The following NUP62CL variants were observed in gnomAD, a reference collection of about 807,000 sequenced individuals.
The protein encoded by NUP62CL is nucleoporin 62 C-terminal like.
Under a neutral mutation model 15.3 loss-of-function variants are expected in NUP62CL, and 13 were observed. The ratio of observed to expected loss-of-function variants is 0.85; its 90% CI spans 0.55 to 1.35. NUP62CL has a LOEUF of 1.35. Among genes scored for constraint, NUP62CL ranks in the 40% most tolerant of loss-of-function variants. NUP62CL has a pLI of 0.00. For missense variants in NUP62CL, 123 were observed against 130.6 expected (o/e 0.94, Z 0.28); for synonymous variants, 54 against 49.2 (o/e 1.10, Z -0.41).
intron 8 of NUP62CL, among the ~76,000 whole-genome samples, chrX:107,137,069 C>CATAAA (rs1417955298): frequency 2.7e-5 from 3 of 111,633 alleles, no homozygotes; most frequent in Admixed American, 9.5e-5. Context: ...TGTCTCAAAA[C>CATAAA]ATAAAATAAA....
chrX:107,196,197 A>C (rs943298066), intron 1 of NUP62CL, among the ~76,000 whole-genome samples: 1 of 112,253 alleles, frequency 8.9e-6, no homozygotes, highest in Non-Finnish European at 1.9e-5. Context: ...GAAATAAAAC[A>C]AAAAAATCAC....
intron 4 of NUP62CL, among the ~76,000 whole-genome samples, chrX:107,154,583 T>C (rs1177660233): frequency 1.8e-5 from 2 of 111,836 alleles, no homozygotes; most frequent in African/African-American, 3.3e-5. Context: ...TGGGTAGGCA[T>C]AGCTAAGGAG....
At chrX:107,167,596 G>T in intron 4 of NUP62CL, 53 bp downstream of exon 4, 1 of 922,800 alleles carries the variant, frequency 1.1e-6, no homozygotes, top group Non-Finnish European at 1.5e-6. Flanking sequence ...CAAATGTCTT[G>T]TACATGATAA....
chrX:107,182,572 AT>A (rs1259339115), intron 2 of NUP62CL, among the ~76,000 whole-genome samples: 1 of 92,623 alleles, frequency 1.1e-5, no homozygotes, highest in African/African-American at 4.8e-5. Flanking sequence ...ACACTACAAG[AT>A]AGGGGGGGCA....
intron 1 of NUP62CL, among the ~76,000 whole-genome samples, chrX:107,194,140 G>C (rs947680253): frequency 2.7e-5 from 3 of 110,934 alleles, no homozygotes; most frequent in East Asian, 2.8e-4. Context: ...AGAAGGAACA[G>C]AGAAGGAAAA....
chrX:107,139,244 C>A (rs1925711854), intron 8 of NUP62CL, among the ~76,000 whole-genome samples: 1 of 111,096 alleles, frequency 9.0e-6, no homozygotes, highest in Non-Finnish European at 1.9e-5. Context: ...TGGTATGAAA[C>A]TGTTCTGTAT....
chrX:107,148,841 C>T lies in NUP62CL; in HGVS notation c.531-1032G>A, dbSNP rs772936448. On this transcript the variant is annotated intron_variant, in intron 7 of 8. Transcript: ENST00000372466. ...TCTCATCACCGTGAATACTGGAACACATAGCTCCTATTTTTCTACCCTAGT... is the reference window on the plus strand; with the variant it reads ...TCTCATCACCGTGAATACTGGAACATATAGCTCCTATTTTTCTACCCTAGT... Among the ~76,000 whole-genome samples the T allele has an allele frequency of 3.6e-5, 4 of 111,644 alleles. No individual in the cohort carries two copies. The South Asian group carries it at 1.5e-3, about 43-fold the overall frequency.
intron 8 of NUP62CL, among the ~76,000 whole-genome samples, chrX:107,128,465 G>C (rs942457550): frequency 8.9e-6 from 1 of 111,829 alleles, no homozygotes; most frequent in Non-Finnish European, 1.9e-5. Flanking sequence ...CTCATGCCAG[G>C]CATTGCTAAA....
chrX:107,204,935 TTTTAAATAAATTATTTA>T (rs1927634605), intron 1 of NUP62CL, among the ~76,000 whole-genome samples: 1 of 106,457 alleles, frequency 9.4e-6, no homozygotes, highest in African/African-American at 3.4e-5. Flanking sequence ...TTTAAATAAA[TTTTAAATAAATTATTTA>T]TTTAAATAAA....
chrX:107,183,592 C>G (rs1361381649), intron 2 of NUP62CL, among the ~76,000 whole-genome samples: 3 of 111,610 alleles, frequency 2.7e-5, no homozygotes, highest in African/African-American at 9.8e-5. Context: ...CCTCATATTT[C>G]CCAGGCTTGG....
At chrX:107,192,852 C>T (rs189047565) in intron 2 of NUP62CL, among the ~76,000 whole-genome samples, 177 bp downstream of exon 2, 150 of 112,004 alleles carry the variant, frequency 1.3e-3, no homozygotes, top group Non-Finnish European at 2.0e-3. Flanking sequence ...AAAAATGAAT[C>T]CTGTAGTCTG....
At chrX:107,135,009 G>C (rs769895033) in intron 8 of NUP62CL, among the ~76,000 whole-genome samples, 1 of 111,753 alleles carries the variant, frequency 8.9e-6, no homozygotes, top group Non-Finnish European at 1.9e-5. Context: ...CCAAGTAGCT[G>C]GGATTATAGG....
rs1020077050 is a variant in NUP62CL, at chrX:107,123,642, C to T, written c.*733G>A. ...GAAATCACCAACTATAAATCATATG[C>T]TAAAACCAAATAAAATGCCAGTATA... On this transcript the variant is annotated 3_prime_UTR_variant, in exon 9 of 9. Coordinates refer to ENST00000372466, the MANE Select transcript of NUP62CL (RefSeq NM_017681.3). 4.5e-5 allele frequency: 5 copies of T among 110,877 alleles called. No homozygotes were observed. The highest frequency in any genetic ancestry group is 1.6e-4 in the African/African-American group (5 of 30,559). The allele number at this position is 110,877 out of a possible 1,213,427, so 9.1% of individuals were successfully genotyped here.
chrX:107,196,523 C>T lies in NUP62CL; in HGVS notation c.-91-3451G>A, dbSNP rs536970738. Among the ~76,000 whole-genome samples the T allele has an allele frequency of 2.8e-4, 32 of 112,413 alleles. No individual in the cohort carries two copies. In the South Asian group the frequency reaches 0.012, roughly 41 times the overall value. ...CTTGGCTCACTGCAACCTCCTGCAA[C>T]CTCCGCCTCCCAGGTTCAAGTGATT... On this transcript the variant is annotated intron_variant, in intron 1 of 8. Transcript: ENST00000372466.
At chrX:107,195,513 T>G (rs1259877801) in intron 1 of NUP62CL, among the ~76,000 whole-genome samples, 3 of 112,357 alleles carry the variant, frequency 2.7e-5, no homozygotes, top group Non-Finnish European at 5.6e-5. Flanking sequence ...TGCCTCCATT[T>G]CAGAGATGTT....
chrX:107,133,518 T>A (rs1925568624), intron 8 of NUP62CL, among the ~76,000 whole-genome samples: 1 of 111,147 alleles, frequency 9.0e-6, no homozygotes, highest in Non-Finnish European at 1.9e-5. Flanking sequence ...ACATTTTTTT[T>A]AAGAGATGGG....
At chrX:107,204,910 TA>T (rs1318639540) in intron 1 of NUP62CL, among the ~76,000 whole-genome samples, 2 of 95,175 alleles carry the variant, frequency 2.1e-5, no homozygotes, top group African/African-American at 4.1e-5. Flanking sequence ...AAATAAATTT[TA>T]AATAAATTAT....
At chrX:107,169,503 A>G (rs1467963763) in intron 3 of NUP62CL, among the ~76,000 whole-genome samples, 1 of 112,012 alleles carries the variant, frequency 8.9e-6, no homozygotes. Flanking sequence ...GGTTCTTATG[A>G]TAATTCCCCA....
intron 7 of NUP62CL, among the ~76,000 whole-genome samples, chrX:107,150,277 G>T (rs760865142): frequency 1.8e-4 from 20 of 111,575 alleles, no homozygotes; most frequent in Non-Finnish European, 3.8e-4. Flanking sequence ...ATAAATACAG[G>T]TACATACTTA....
Sources: gnomAD v4.1 joint callset for allele counts (sites outside exome capture counted in the v4.1 genomes callset) on GRCh38, gnomAD v4.1.1 for gene constraint, MANE v1.5 for transcripts, NCBI Gene and HGNC (gene_info 2026-07-23, HGNC 2026-07-21) for gene names.